DCSTAMP: variants seen among roughly 807,000 people sequenced by gnomAD.
DCSTAMP encodes dendritic cell-specific transmembrane protein.
In DCSTAMP, 25 loss-of-function variants were observed where a neutral mutation model predicts 33.8. That is an observed-to-expected ratio of 0.74 (90% confidence interval 0.54 to 1.03). DCSTAMP has a LOEUF of 1.03. DCSTAMP is among the 50% of genes least tolerant of loss of function. The pLI, the probability that DCSTAMP is intolerant of heterozygous loss-of-function variation, is 0.00. For synonymous variants in DCSTAMP, 245 were observed against 216.7 expected, an observed-to-expected ratio of 1.13 and a Z score of -1.15; for missense variants, 531 against 556.8, an observed-to-expected ratio of 0.95 and a Z score of 0.47.
At chr8:104,354,811 C>T (rs1810568327) in intron 2 of DCSTAMP, 66 bp from the exon 3 acceptor site, 1 of 1,105,186 alleles carries the variant, frequency 9.0e-7, no homozygotes, top group Admixed American at 2.2e-5. Context: ...CAGGGAAGTA[C>T]TGAGAAAGAC....
intron 1 of DCSTAMP, among the ~76,000 whole-genome samples, chr8:104,341,806 G>A (rs1042890499): frequency 1.3e-5 from 2 of 152,216 alleles, no homozygotes; most frequent in African/African-American, 4.8e-5. Context: ...GTACTCTGCT[G>A]TGGACTGCTA....
rs1370883141 is a variant in DCSTAMP, at chr8:104,349,256, T to C, written c.704T>C (p.Leu235Ser). ...ACTGGCCTCTTCATGAAGCGATTTTTGGGCCCTTGTGGTTGGAAGTATGAA... is the reference window on the plus strand; with the variant it reads ...ACTGGCCTCTTCATGAAGCGATTTTCGGGCCCTTGTGGTTGGAAGTATGAA... ...LGTGLFMKRF[L>S]GPCGWKYENI... Residue 235 changes from leucine to serine, a missense_variant, in exon 2 of 4, where the codon TTG becomes TCG. Coordinates refer to ENST00000297581, the MANE Select transcript of DCSTAMP (RefSeq NM_030788.4). The C allele has an allele frequency of 1.2e-6, 2 of 1,614,098 alleles. No individual in the cohort carries two copies. Among genetic ancestry groups the C allele is most frequent in the Admixed American group, 3.3e-5 (2 of 60,008 alleles).
At chr8:104,342,157 G>A (rs1241665111) in intron 1 of DCSTAMP, among the ~76,000 whole-genome samples, 1 of 152,168 alleles carries the variant, frequency 6.6e-6, no homozygotes, top group Non-Finnish European at 1.5e-5. Flanking sequence ...ACCTTTATTT[G>A]TGAGACTGGA....
Position 104,355,011 on chromosome 8 carries a change from G to T in DCSTAMP, c.1164G>T (p.Val388=), listed in dbSNP as rs752581420. Residue 388 remains valine, a synonymous_variant, in exon 3 of 4, where the codon GTG becomes GTT. Transcript: ENST00000297581. ...VPLSVILLIL[V]MLGLLSSILM... ...TCAGTGTTATTCTTTTGATATTAGT[G>T]ATGCTGGGACTGTTGTCCTCTATCC... 2 of 1,614,120 alleles carry T rather than the reference G, an allele frequency of 1.2e-6. No homozygotes were observed. Among genetic ancestry groups the T allele is most frequent in the Non-Finnish European group, 1.7e-6 (2 of 1,179,984 alleles).
At chr8:104,349,789 T>C (rs1280264012) in intron 2 of DCSTAMP, among the ~76,000 whole-genome samples, 1 of 152,204 alleles carries the variant, frequency 6.6e-6, no homozygotes, top group Non-Finnish European at 1.5e-5. Context: ...TCTGCATTAG[T>C]TCCCTGTGGC....
chr8:104,349,253 T>C lies in DCSTAMP; in HGVS notation c.701T>C (p.Phe234Ser), dbSNP rs1424955648. 6.2e-7 allele frequency: 1 copy of C among 1,614,194 alleles called. No individual in the cohort carries two copies. Among genetic ancestry groups the C allele is most frequent in the South Asian group, 1.1e-5 (1 of 91,084 alleles). Residue 234 changes from phenylalanine to serine, a missense_variant, in exon 2 of 4, where the codon TTT (phenylalanine) becomes TCT (serine). By Grantham distance (155) the Phe-to-Ser change is radical. Transcript: ENST00000297581. Reference sequence around the variant, plus strand: ...GGCACTGGCCTCTTCATGAAGCGATTTTTGGGCCCTTGTGGTTGGAAGTAT... The same window carrying C: ...GGCACTGGCCTCTTCATGAAGCGATCTTTGGGCCCTTGTGGTTGGAAGTAT... ...LLGTGLFMKR[F>S]LGPCGWKYEN...
At position 104,356,255 on chromosome 8, in the gene DCSTAMP, T is replaced by C. The variant is rs1463074216; in HGVS notation, c.*57T>C. On this transcript the variant is annotated 3_prime_UTR_variant, in exon 4 of 4. Transcript: ENST00000297581. Reference sequence around the variant, plus strand: ...CCAACAATTCTCTTCAGGTCTAGGATGGCAGTCACTATTCATGCCGGATAA... The same window carrying C: ...CCAACAATTCTCTTCAGGTCTAGGACGGCAGTCACTATTCATGCCGGATAA... 3.9e-6 allele frequency: 6 copies of C among 1,533,798 alleles called. No homozygotes were observed. Among genetic ancestry groups the C allele is most frequent in the East Asian group, 2.3e-5 (1 of 42,856 alleles).
chr8:104,340,657 G>A (rs1381221835), intron 1 of DCSTAMP, among the ~76,000 whole-genome samples: 3 of 152,204 alleles, frequency 2.0e-5, no homozygotes, highest in Admixed American at 6.5e-5. Context: ...AACTCAGCTA[G>A]CCCATAGGAG....
intron 1 of DCSTAMP, among the ~76,000 whole-genome samples, chr8:104,340,926 C>T (rs79840178): frequency 0.043 from 6,519 of 152,252 alleles, 196 homozygotes; most frequent in African/African-American, 0.09. Flanking sequence ...TTTATTGTCC[C>T]CTGGGGTGTC....
chr8:104,356,201 G>T lies in DCSTAMP; in HGVS notation c.*3G>T. 6.2e-7 allele frequency: 1 copy of T among 1,610,240 alleles called. No homozygotes were observed. Among genetic ancestry groups the T allele is most frequent in the South Asian group, 1.1e-5 (1 of 90,268 alleles). On this transcript the variant is annotated 3_prime_UTR_variant, in exon 4 of 4. Transcript: ENST00000297581. ...TGGCAAGTGCAGACAAGTCATGAGA[G>T]ACCCCGACTACTCCTCAGCCACATC...
At chr8:104,355,531 G>A (rs1810599973) in intron 3 of DCSTAMP, among the ~76,000 whole-genome samples, 1 of 152,002 alleles carries the variant, frequency 6.6e-6, no homozygotes, top group Admixed American at 6.5e-5. Context: ...AAACAGACAG[G>A]GAAATGTCTA....
chr8:104,352,445 C>T (rs1810486989), intron 2 of DCSTAMP, among the ~76,000 whole-genome samples: 1 of 152,148 alleles, frequency 6.6e-6, no homozygotes, highest in South Asian at 2.1e-4. Context: ...AAAAGGGTCT[C>T]ACTCCTTCAC....
At chr8:104,351,682 T>C (rs1420565543) in intron 2 of DCSTAMP, among the ~76,000 whole-genome samples, 4 of 151,286 alleles carry the variant, frequency 2.6e-5, no homozygotes, top group Non-Finnish European at 4.4e-5. Context: ...ACACAACTTC[T>C]GGGTTATTGC....
At position 104,356,153 on chromosome 8, in the gene DCSTAMP, G is replaced by A. The variant is rs1329010300; in HGVS notation, c.1368G>A (p.Met456Ile). 1 of 1,612,534 alleles carries A rather than the reference G, an allele frequency of 6.2e-7. No homozygotes were observed. Among genetic ancestry groups the A allele is most frequent in the South Asian group, 1.1e-5 (1 of 90,734 alleles). ...KIHFWLPVLK[M>I]IRKKQMDMAS... ...ATTTCTGGCTTCCAGTCCTGAAAAT[G>A]ATTAGGAAGAAGCAAATGGACATGG... The change falls in exon 4 of 4, where the codon ATG (methionine) becomes ATA (isoleucine). Residue 456 changes from methionine to isoleucine, a missense_variant. Physicochemically the swap from Met to Ile is conservative, Grantham distance 10. Transcript: ENST00000297581.
At chr8:104,354,160 T>C (rs1354995098) in intron 2 of DCSTAMP, among the ~76,000 whole-genome samples, 1 of 152,162 alleles carries the variant, frequency 6.6e-6, no homozygotes, top group Admixed American at 6.5e-5. Flanking sequence ...GATGAGAATT[T>C]TTCCTATTTT....
At chr8:104,341,890 G>T (rs2099382936) in intron 1 of DCSTAMP, among the ~76,000 whole-genome samples, 1 of 152,222 alleles carries the variant, frequency 6.6e-6, no homozygotes, top group South Asian at 2.1e-4. Flanking sequence ...TTACTCTAGG[G>T]ATAGTGCTGT....
chr8:104,341,005 G>A (rs2099382725), intron 1 of DCSTAMP, among the ~76,000 whole-genome samples: 1 of 152,194 alleles, frequency 6.6e-6, no homozygotes, highest in South Asian at 2.1e-4. Context: ...AGAATGAACT[G>A]GTGTCACTTA....
chr8:104,356,266 A>G lies in DCSTAMP; in HGVS notation c.*68A>G. 1 of 1,481,078 alleles carries G rather than the reference A, an allele frequency of 6.8e-7. No individual in the cohort carries two copies. The highest frequency in any genetic ancestry group is 9.2e-7 in the Non-Finnish European group (1 of 1,085,102). 91.7% of individuals were successfully genotyped at this position (1,481,078 alleles called of 1,614,324 possible). The stretch of plus-strand genomic sequence containing the variant: ...CTTCAGGTCTAGGATGGCAGTCACT[A>G]TTCATGCCGGATAATAGAGAACTAT... On this transcript the variant is annotated 3_prime_UTR_variant, in exon 4 of 4. Coordinates refer to ENST00000297581, the MANE Select transcript of DCSTAMP (RefSeq NM_030788.4).
At chr8:104,341,179 A>T (rs57925786) in intron 1 of DCSTAMP, among the ~76,000 whole-genome samples, 11,471 of 152,260 alleles carry the variant, frequency 0.075, 884 homozygotes, top group African/African-American at 0.2. Flanking sequence ...GTTTCTGCTT[A>T]CCAGCTCTGG....
Sources: allele counts gnomAD v4.1 joint callset (sites outside exome capture counted in the v4.1 genomes callset), GRCh38; gene constraint gnomAD v4.1.1; transcripts MANE v1.5; gene names NCBI Gene and HGNC (gene_info 2026-07-23, HGNC 2026-07-21).